Variants in PTPRT observed in about 807,000 individuals in gnomAD.
The protein encoded by PTPRT is receptor-type tyrosine-protein phosphatase T.
Under a neutral mutation model 176.8 loss-of-function variants are expected in PTPRT, and 56 were observed. The observed-to-expected ratio is 0.32, with a 90% confidence interval of 0.26 to 0.40. The LOEUF (loss-of-function observed/expected upper bound fraction) is 0.40. PTPRT is among the 10% of genes least tolerant of loss of function. PTPRT has a pLI of 1.00. For synonymous variants in PTPRT, 783 were observed against 739.0 expected, an observed-to-expected ratio of 1.06 and a Z score of -0.96; for missense variants, 1,540 against 1,908.2, an observed-to-expected ratio of 0.81 and a Z score of 3.60.
At chr20:42,474,252 C>T (rs2071248523) in intron 7 of PTPRT, among the ~76,000 whole-genome samples, 2 of 152,146 alleles carry the variant, frequency 1.3e-5, no homozygotes, top group Admixed American at 1.3e-4. Flanking sequence ...CCCCTCAGAG[C>T]ATTTAAGGGT....
chr20:42,380,072 G>A (rs1234893872), intron 9 of PTPRT, among the ~76,000 whole-genome samples: 6 of 152,158 alleles, frequency 3.9e-5, no homozygotes, highest in African/African-American at 9.7e-5. Flanking sequence ...TAGAGTAAAC[G>A]TGTGAGGCTG....
intron 1 of PTPRT, among the ~76,000 whole-genome samples, chr20:42,910,620 C>A (rs891027650): frequency 6.6e-6 from 1 of 152,146 alleles, no homozygotes; most frequent in African/African-American, 2.4e-5. Flanking sequence ...CTCAGCCATA[C>A]ATTGCTGTGA....
chr20:42,980,581 TC>T (rs779869547), intron 1 of PTPRT, among the ~76,000 whole-genome samples: 1 of 152,166 alleles, frequency 6.6e-6, no homozygotes, highest in Non-Finnish European at 1.5e-5. Context: ...GTGACAGACT[TC>T]CCCCCACCCT....
chr20:42,232,984 G>A (rs2056167323), intron 15 of PTPRT, among the ~76,000 whole-genome samples: 2 of 151,510 alleles, frequency 1.3e-5, no homozygotes, highest in Non-Finnish European at 2.9e-5. Flanking sequence ...CATCTGCTAT[G>A]GCCAACCAAC....
chr20:42,637,860 A>G (rs1485459717), intron 7 of PTPRT, among the ~76,000 whole-genome samples: 2 of 152,156 alleles, frequency 1.3e-5, no homozygotes, highest in African/African-American at 4.8e-5. Flanking sequence ...CAAACTGACA[A>G]AGCTAAGAGG....
chr20:42,200,195 A>G lies in PTPRT; in HGVS notation c.2343-807T>C, dbSNP rs540277228. 7.9e-5 allele frequency among the ~76,000 whole-genome samples: 12 copies of G among 152,292 alleles called. No individual in the cohort carries two copies. In the South Asian group the frequency reaches 2.1e-3, roughly 26 times the overall value. ...GGTTAAAAATATCAGCTTTGGTGTCAGACAGACTCAGGTTCATAGCTTACC... is the reference window on the plus strand; with the variant it reads ...GGTTAAAAATATCAGCTTTGGTGTCGGACAGACTCAGGTTCATAGCTTACC... On this transcript the variant is annotated intron_variant, in intron 15 of 30. Coordinates refer to ENST00000373187, the MANE Select transcript of PTPRT (RefSeq NM_007050.6).
chr20:42,299,471 T>C (rs2057428418), intron 12 of PTPRT, among the ~76,000 whole-genome samples: 1 of 152,086 alleles, frequency 6.6e-6, no homozygotes, highest in Admixed American at 6.5e-5. Context: ...AAGATTAATA[T>C]TTCTGGAAAT....
intron 1 of PTPRT, among the ~76,000 whole-genome samples, chr20:42,996,348 C>T (rs1051935679): frequency 6.6e-6 from 1 of 152,138 alleles, no homozygotes; most frequent in African/African-American, 2.4e-5. Flanking sequence ...TGGCCAATAC[C>T]CTGCAGCGAC....
At chr20:43,009,587 G>T (rs1219993989) in intron 1 of PTPRT, among the ~76,000 whole-genome samples, 2 of 152,176 alleles carry the variant, frequency 1.3e-5, no homozygotes, top group African/African-American at 4.8e-5. Flanking sequence ...TGAACTTCAG[G>T]CCTCAAGGGA....
intron 9 of PTPRT, among the ~76,000 whole-genome samples, chr20:42,397,023 C>CT (rs574607458): frequency 1.1e-4 from 17 of 152,114 alleles, no homozygotes; most frequent in East Asian, 1.9e-4. Flanking sequence ...CATTATCCTG[C>CT]TTTTTTTTAC....
At chr20:42,310,505 G>A (rs2145351225) in intron 12 of PTPRT, among the ~76,000 whole-genome samples, 1 of 152,184 alleles carries the variant, frequency 6.6e-6, no homozygotes, top group East Asian at 1.9e-4. Context: ...AGCTCTATAT[G>A]GGAAAAAAGC....
At chr20:42,405,902 T>C (rs2058956773) in intron 9 of PTPRT, among the ~76,000 whole-genome samples, 1 of 152,196 alleles carries the variant, frequency 6.6e-6, no homozygotes, top group Non-Finnish European at 1.5e-5. Flanking sequence ...GCAGGCCACA[T>C]TTCTAATCAT....
chr20:43,084,388 T>C (rs540667656), intron 1 of PTPRT, among the ~76,000 whole-genome samples: 10 of 114,298 alleles, frequency 8.7e-5, no homozygotes, highest in South Asian at 3.3e-4. Context: ...CTTACAATCA[T>C]GGCAGAAGGC....
Position 42,395,623 on chromosome 20 carries a change from G to A in PTPRT, c.1561-43338C>T, listed in dbSNP as rs141167705. Among the ~76,000 whole-genome samples, 77 of 152,188 alleles carry A rather than the reference G, an allele frequency of 5.1e-4. 1 individual carries two copies. The highest frequency in any genetic ancestry group is 1.8e-3 in the African/African-American group (75 of 41,496). ...TCTCCTGCTGCTCTCCCTTGGGCCT[G>A]TGTAATCAGATTTCAGTACCCACAA... On this transcript the variant is annotated intron_variant, in intron 9 of 30. Coordinates refer to ENST00000373187, the MANE Select transcript of PTPRT (RefSeq NM_007050.6).
chr20:42,663,484 G>T (rs1283451722), intron 7 of PTPRT, among the ~76,000 whole-genome samples: 1 of 152,112 alleles, frequency 6.6e-6, no homozygotes, highest in Non-Finnish European at 1.5e-5. Context: ...GTGTGGAAGG[G>T]CCCAGGTCCA....
At chr20:42,922,094 C>T (rs190037611) in intron 1 of PTPRT, among the ~76,000 whole-genome samples, 6 of 152,264 alleles carry the variant, frequency 3.9e-5, no homozygotes, top group African/African-American at 1.2e-4. Context: ...TACCACCACA[C>T]CTAGCTAATT....
chr20:42,165,148 G>A lies in PTPRT; in HGVS notation c.2492-3606C>T, dbSNP rs985261342. On this transcript the variant is annotated intron_variant, in intron 16 of 30. Transcript: ENST00000373187. ...CCTGCTCTCTCCTCCTCTTCCTTGG[G>A]ATCCTAGATTCATCACCGCTGCTGC... Among the ~76,000 whole-genome samples the A allele has an allele frequency of 3.6e-4, 54 of 151,974 alleles. 1 individual carries two copies. Among genetic ancestry groups the A allele is most frequent in the African/African-American group, 1.3e-3 (52 of 41,444 alleles).
chr20:42,523,484 G>A (rs182106872), intron 7 of PTPRT, among the ~76,000 whole-genome samples: 119 of 152,162 alleles, frequency 7.8e-4, no homozygotes, highest in African/African-American at 2.8e-3. Context: ...TTGCCTCCTA[G>A]GTGTTTTGTA....
chr20:42,642,649 A>C (rs2145936035), intron 7 of PTPRT, among the ~76,000 whole-genome samples: 1 of 152,262 alleles, frequency 6.6e-6, no homozygotes, highest in Middle Eastern at 3.4e-3. Context: ...GTGAGTGGTA[A>C]CTAGTATTAC....
Sources: allele counts gnomAD v4.1 joint callset (sites outside exome capture counted in the v4.1 genomes callset), GRCh38; gene constraint gnomAD v4.1.1; transcripts MANE v1.5; gene names NCBI Gene and HGNC (gene_info 2026-07-23, HGNC 2026-07-21).